APBA1: variants seen among roughly 807,000 people sequenced by gnomAD.
The protein encoded by APBA1 is amyloid-beta A4 precursor protein-binding family A member 1.
Under a neutral mutation model 86.6 loss-of-function variants are expected in APBA1, and 55 were observed. That is an observed-to-expected ratio of 0.64 (90% CI 0.51 to 0.80). APBA1 has a LOEUF of 0.80. Among genes scored for constraint, APBA1 ranks in the 30% least tolerant of loss-of-function variants. The pLI, the probability that APBA1 is intolerant of heterozygous loss-of-function variation, is 0.00. For synonymous variants in APBA1, 511 were observed against 493.9 expected (o/e 1.03, Z -0.46); for missense variants, 1,090 against 1,183.0 (o/e 0.92, Z 1.15).
At chr9:69,594,768 G>C (rs182714364) in intron 1 of APBA1, among the ~76,000 whole-genome samples, 1 of 152,230 alleles carries the variant, frequency 6.6e-6, no homozygotes, top group Non-Finnish European at 1.5e-5. Flanking sequence ...GTTCTTTTCT[G>C]ATGAGTAGAC....
intron 6 of APBA1, 91 bp downstream of exon 6, chr9:69,458,041 GAACAAAAACTTGCTGGATGCAGAA>G (rs1835128332): frequency 1.8e-6 from 2 of 1,131,798 alleles, no homozygotes; most frequent in Non-Finnish European, 2.5e-6. Context: ...AAAGAAATCT[GAACAAAAACTTGCTGGATGCAGAA>G]AACAAAAACA....
At chr9:69,658,222 C>CTCCTTTCTTTCTT (rs1554709905) in intron 1 of APBA1, among the ~76,000 whole-genome samples, 4 of 104,220 alleles carry the variant, frequency 3.8e-5, no homozygotes, top group Admixed American at 1.0e-4. Flanking sequence ...AGTCCTTTCT[C>CTCCTTTCTTTCTT]TCTTTCTTTC....
chr9:69,561,653 A>T (rs535113988), intron 1 of APBA1, among the ~76,000 whole-genome samples: 30 of 150,844 alleles, frequency 2.0e-4, no homozygotes, highest in African/African-American at 7.3e-4. Flanking sequence ...TTTCTGAAAC[A>T]GAGACTCACT....
At chr9:69,455,394 G>A (rs1162777729) in intron 8 of APBA1, among the ~76,000 whole-genome samples, 2 of 152,116 alleles carry the variant, frequency 1.3e-5, no homozygotes, top group African/African-American at 4.8e-5. Flanking sequence ...GGATGGTGCG[G>A]GGAGGTAGGG....
intron 1 of APBA1, among the ~76,000 whole-genome samples, chr9:69,620,899 C>T (rs916301591): frequency 6.6e-5 from 10 of 152,150 alleles, no homozygotes; most frequent in Non-Finnish European, 1.5e-4. Context: ...CAGTGAAGCT[C>T]CAGAAATGAA....
At chr9:69,490,221 A>G (rs1835684334) in intron 2 of APBA1, among the ~76,000 whole-genome samples, 1 of 152,028 alleles carries the variant, frequency 6.6e-6, no homozygotes, top group Admixed American at 6.5e-5. Flanking sequence ...AACTATCGCA[A>G]GGACAAAAAA....
intron 1 of APBA1, among the ~76,000 whole-genome samples, chr9:69,595,233 C>G (rs1822205089): frequency 1.3e-5 from 2 of 152,128 alleles, no homozygotes; most frequent in African/African-American, 4.8e-5. Flanking sequence ...AAACACCAAG[C>G]AGTCAATAAG....
intron 1 of APBA1, among the ~76,000 whole-genome samples, chr9:69,557,168 A>G (rs1205845740): frequency 1.3e-5 from 2 of 152,200 alleles, no homozygotes; most frequent in Non-Finnish European, 2.9e-5. Context: ...ACAATTTGAT[A>G]TCTAAGTAAA....
chr9:69,648,181 TACA>T (rs1459225903), intron 1 of APBA1, among the ~76,000 whole-genome samples: 5 of 152,182 alleles, frequency 3.3e-5, no homozygotes, highest in African/African-American at 4.8e-5. Context: ...GACTCTTGGC[TACA>T]ACATTTCTCA....
chr9:69,587,429 G>C (rs1822043203), intron 1 of APBA1, among the ~76,000 whole-genome samples: 1 of 152,256 alleles, frequency 6.6e-6, no homozygotes, highest in Non-Finnish European at 1.5e-5. Context: ...CTGGAGATTG[G>C]TGTCATTGGT....
intron 11 of APBA1, among the ~76,000 whole-genome samples, chr9:69,436,241 A>C (rs1368537584): frequency 6.7e-6 from 1 of 150,094 alleles, no homozygotes; most frequent in African/African-American, 2.5e-5. Context: ...CTTTTAGCTT[A>C]GGATTGACTT....
chr9:69,592,330 C>T (rs76450086), intron 1 of APBA1, among the ~76,000 whole-genome samples: 3,233 of 152,278 alleles, frequency 0.021, 128 homozygotes, highest in African/African-American at 0.073. Flanking sequence ...GAAGCAGTGG[C>T]TCTGCTTGTG....
intron 5 of APBA1, chr9:69,460,602 G>A (rs574210825): frequency 1.6e-4 from 24 of 151,316 alleles, no homozygotes; most frequent in Admixed American, 8.5e-4. Flanking sequence ...GAACCGATTT[G>A]AAATAACTCT....
At chr9:69,436,641 G>A (rs1333270191) in intron 11 of APBA1, among the ~76,000 whole-genome samples, 1 of 149,944 alleles carries the variant, frequency 6.7e-6, no homozygotes, top group Non-Finnish European at 1.5e-5. Context: ...CTGAGACTTT[G>A]CTGAAGTTGC....
chr9:69,625,328 T>C, intron 1 of APBA1, among the ~76,000 whole-genome samples: 1 of 152,210 alleles, frequency 6.6e-6, no homozygotes, highest in East Asian at 1.9e-4. Flanking sequence ...TTTGTCATGA[T>C]GCCCTAATTA....
intron 1 of APBA1, among the ~76,000 whole-genome samples, chr9:69,647,492 A>C (rs1035495476): frequency 6.6e-6 from 1 of 152,206 alleles, no homozygotes; most frequent in African/African-American, 2.4e-5. Context: ...AGCCACAGTA[A>C]AGTGCAAGCC....
intron 1 of APBA1, among the ~76,000 whole-genome samples, chr9:69,568,537 G>A (rs1333194614): frequency 6.6e-6 from 1 of 152,138 alleles, no homozygotes; most frequent in Non-Finnish European, 1.5e-5. Flanking sequence ...TGCCTCTACT[G>A]GAACTTTAAG....
intron 1 of APBA1, among the ~76,000 whole-genome samples, chr9:69,643,505 T>G (rs1425949430): frequency 6.6e-6 from 1 of 152,220 alleles, no homozygotes; most frequent in Non-Finnish European, 1.5e-5. Flanking sequence ...CTCCTCCTCA[T>G]GGACCCATGG....
chr9:69,524,430 TACTC>T (rs1408055095), intron 1 of APBA1, among the ~76,000 whole-genome samples: 1 of 151,980 alleles, frequency 6.6e-6, no homozygotes, highest in African/African-American at 2.4e-5. Flanking sequence ...ATACAATAGA[TACTC>T]ACAGACTATT....
Sources: gnomAD v4.1 joint callset for allele counts (sites outside exome capture counted in the v4.1 genomes callset) on GRCh38, gnomAD v4.1.1 for gene constraint, MANE v1.5 for transcripts, NCBI Gene and HGNC (gene_info 2026-07-23, HGNC 2026-07-21) for gene names.